Variants in HDAC9 observed in about 807,000 individuals in gnomAD.
HDAC9 encodes histone deacetylase 9.
HDAC9 carries 41 observed loss-of-function variants against 139.4 expected under a neutral mutation model. The ratio of observed to expected loss-of-function variants is 0.29; its 90% CI spans 0.23 to 0.38. The LOEUF (loss-of-function observed/expected upper bound fraction) is 0.38, where lower values mean the gene tolerates loss of function less well. HDAC9 is among the 10% of genes least tolerant of loss of function. The probability of loss-of-function intolerance (pLI) is 1.00; values close to 1 mark genes in which losing one functional copy is unlikely to be tolerated. For synonymous variants in HDAC9, 517 were observed against 476.2 expected, an observed-to-expected ratio of 1.09 and a Z score of -1.12; for missense variants, 1,147 against 1,297.0, an observed-to-expected ratio of 0.88 and a Z score of 1.78.
chr7:18,189,292 T>C (rs1344098144), intron 2 of HDAC9, among the ~76,000 whole-genome samples: 1 of 151,494 alleles, frequency 6.6e-6, no homozygotes, highest in Non-Finnish European at 1.5e-5. Context: ...GAGTTGAACA[T>C]TGAGAACACA....
chr7:18,803,482 ACTGACG>A (rs1371104656), intron 17 of HDAC9, among the ~76,000 whole-genome samples: 1 of 152,004 alleles, frequency 6.6e-6, no homozygotes, highest in East Asian at 1.9e-4. Flanking sequence ...GATTTTCCTT[ACTGACG>A]GTTTCTCAGT....
chr7:18,502,162 A>G (rs1441219826), intron 2 of HDAC9, among the ~76,000 whole-genome samples: 1 of 152,228 alleles, frequency 6.6e-6, no homozygotes, highest in Non-Finnish European at 1.5e-5. Context: ...AATGGTCACA[A>G]GTTGACTCGT....
At position 18,996,497 on chromosome 7, in the gene HDAC9, C is replaced by CAA. The variant is rs904561340; in HGVS notation, c.*437_*438dup. 3 of 161,208 alleles carry CAA rather than the reference C, an allele frequency of 1.9e-5. No homozygotes were observed. Among genetic ancestry groups the CAA allele is most frequent in the African/African-American group, 7.4e-5 (3 of 40,286 alleles). The allele number at this position is 161,208 out of a possible 1,614,324, so 10.0% of individuals were successfully genotyped here. A position where few individuals can be genotyped will look rare whatever the true frequency, so the allele number is the denominator to read the frequency against. On this transcript the variant is annotated 3_prime_UTR_variant, in exon 26 of 26. Transcript: ENST00000686413. Reference sequence around the variant, plus strand: ...GCTTTTTTTGGGGTAATTTGTTTTTCAAACAGTCTTAACTTGTTTACAAGA... The same window carrying CAA: ...GCTTTTTTTGGGGTAATTTGTTTTTCAAAAACAGTCTTAACTTGTTTACAAGA...
intron 2 of HDAC9, among the ~76,000 whole-genome samples, chr7:18,263,082 T>C (rs1795781434): frequency 6.6e-6 from 1 of 152,166 alleles, no homozygotes; most frequent in African/African-American, 2.4e-5. Context: ...TAAGAAAATA[T>C]TATCTATTTG....
At chr7:18,209,244 A>G (rs1791763864) in intron 2 of HDAC9, among the ~76,000 whole-genome samples, 2 of 152,154 alleles carry the variant, frequency 1.3e-5, no homozygotes, top group South Asian at 4.1e-4. Context: ...GAGATTTTTC[A>G]TACCTTATCA....
At chr7:18,739,138 G>A (rs1030588594) in intron 13 of HDAC9, among the ~76,000 whole-genome samples, 3 of 152,164 alleles carry the variant, frequency 2.0e-5, no homozygotes, top group Non-Finnish European at 4.4e-5. Context: ...TCTCTACACT[G>A]TTTATTCTAG....
chr7:18,987,051 C>G (rs902637233), intron 25 of HDAC9, among the ~76,000 whole-genome samples: 1 of 152,162 alleles, frequency 6.6e-6, no homozygotes, highest in Non-Finnish European at 1.5e-5. Context: ...TAATTGAATA[C>G]CCTTTATTTC....
rs1044795794 is a variant in HDAC9, at chr7:18,533,352, T to A, written c.22+37028T>A. ...CTGTTCTTTTGCGTAATCCTCTCTT[T>A]CTTGGATTCTTGTAGCTTCTTTGTC... On this transcript the variant is annotated intron_variant, in intron 2 of 25. Coordinates refer to ENST00000686413, the MANE Select transcript of HDAC9 (RefSeq NM_178425.4). 3.3e-5 allele frequency among the ~76,000 whole-genome samples: 5 copies of A among 152,210 alleles called. No homozygotes were observed. The East Asian group carries it at 9.6e-4, about 29-fold the overall frequency.
At chr7:18,117,131 C>G (rs1242795588) in intron 1 of HDAC9, among the ~76,000 whole-genome samples, 1 of 152,102 alleles carries the variant, frequency 6.6e-6, no homozygotes. Flanking sequence ...CTGTTTAAAT[C>G]TGAACCCCTG....
intron 17 of HDAC9, among the ~76,000 whole-genome samples, chr7:18,811,644 AT>A (rs1221507162): frequency 6.6e-6 from 1 of 151,730 alleles, no homozygotes; most frequent in African/African-American, 2.4e-5. Context: ...TAATGGTATA[AT>A]TTTTTATCTC....
intron 2 of HDAC9, among the ~76,000 whole-genome samples, chr7:18,249,620 C>CA (rs1457256806): frequency 6.6e-6 from 1 of 151,104 alleles, no homozygotes; most frequent in East Asian, 2.0e-4. Context: ...GCAAATCTGT[C>CA]AGAGTTTGCT....
intron 2 of HDAC9, among the ~76,000 whole-genome samples, chr7:18,206,013 T>C (rs1298720139): frequency 6.6e-6 from 1 of 152,188 alleles, no homozygotes; most frequent in African/African-American, 2.4e-5. Flanking sequence ...ATTGAGATTT[T>C]TTTAATAGTA....
chr7:18,421,157 T>C (rs1359746031), intron 1 of HDAC9, among the ~76,000 whole-genome samples: 3 of 152,204 alleles, frequency 2.0e-5, no homozygotes, highest in Non-Finnish European at 4.4e-5. Context: ...CATAGAAATA[T>C]TGTTATTTTA....
At chr7:18,395,881 A>G (rs1786983313) in intron 1 of HDAC9, among the ~76,000 whole-genome samples, 2 of 152,260 alleles carry the variant, frequency 1.3e-5, no homozygotes, top group South Asian at 4.1e-4. Context: ...ATGTGAGAAA[A>G]ATTTAGGAGG....
intron 22 of HDAC9, among the ~76,000 whole-genome samples, chr7:18,878,117 A>T (rs1799457520): frequency 1.3e-5 from 2 of 152,182 alleles, no homozygotes; most frequent in Non-Finnish European, 2.9e-5. Flanking sequence ...ATGACAACTA[A>T]GTGCTGTATT....
intron 22 of HDAC9, among the ~76,000 whole-genome samples, chr7:18,890,959 C>T (rs1451219095): frequency 1.3e-5 from 2 of 152,196 alleles, no homozygotes; most frequent in Non-Finnish European, 2.9e-5. Context: ...CCTGTACTGA[C>T]CTCCAGCAGT....
chr7:18,225,522 AT>A, intron 2 of HDAC9, among the ~76,000 whole-genome samples: 1 of 152,302 alleles, frequency 6.6e-6, no homozygotes, highest in South Asian at 2.1e-4. Flanking sequence ...TAATTCTCAA[AT>A]TTTGAGAATA....
intron 1 of HDAC9, among the ~76,000 whole-genome samples, chr7:18,337,687 C>A (rs911829790): frequency 6.6e-6 from 1 of 151,596 alleles, no homozygotes; most frequent in Admixed American, 6.6e-5. Flanking sequence ...AATATTTAGT[C>A]GCCATATTAA....
At chr7:18,644,845 C>G in intron 9 of HDAC9, 52 bp downstream of exon 9, 1 of 1,541,612 alleles carries the variant, frequency 6.5e-7, no homozygotes. Context: ...TATCTTTTCA[C>G]AGGGGAACTC....
Sources: gnomAD v4.1 joint callset for allele counts (sites outside exome capture counted in the v4.1 genomes callset) on GRCh38, gnomAD v4.1.1 for gene constraint, MANE v1.5 for transcripts, NCBI Gene and HGNC (gene_info 2026-07-23, HGNC 2026-07-21) for gene names.